The following PREX1 variants were observed in gnomAD, a reference collection of about 807,000 sequenced individuals.
PREX1 encodes the protein phosphatidylinositol-3,4,5-trisphosphate dependent Rac exchange factor 1.
In PREX1, 41 loss-of-function variants were observed where a neutral mutation model predicts 198.3. The observed-to-expected ratio is 0.21, with a 90% CI of 0.16 to 0.27. The LOEUF (loss-of-function observed/expected upper bound fraction) is 0.27. Ranked by LOEUF, PREX1 falls within the 10% of genes least tolerant of loss-of-function variation. The probability of loss-of-function intolerance (pLI) is 1.00; values close to 1 mark genes in which losing one functional copy is unlikely to be tolerated. For synonymous variants in PREX1, 843 were observed against 887.2 expected (o/e 0.95, Z 0.89); for missense variants, 1,620 against 2,200.7 (o/e 0.74, Z 5.28).
chr20:48,851,586 C>A, the PREX1 span, among the ~76,000 whole-genome samples: 3 of 152,138 alleles, frequency 2.0e-5, no homozygotes, highest in Admixed American at 6.6e-5. Flanking sequence ...TCTTTCTCAG[C>A]CTTACCTCCT....
chr20:48,758,370 G>A (rs556444638), intron 1 of PREX1, among the ~76,000 whole-genome samples: 8 of 152,214 alleles, frequency 5.3e-5, no homozygotes, highest in Non-Finnish European at 1.0e-4. Context: ...GCAGAGGAGC[G>A]CAGGTGCTGG....
intron 1 of PREX1, among the ~76,000 whole-genome samples, chr20:48,782,482 G>A (rs916283342): frequency 4.6e-5 from 7 of 151,856 alleles, no homozygotes; most frequent in Admixed American, 2.6e-4. Flanking sequence ...ACCCAGTCTC[G>A]AGTATGTCTT....
intron 1 of PREX1, among the ~76,000 whole-genome samples, chr20:48,790,611 T>C (rs1221436038): frequency 2.0e-5 from 3 of 152,200 alleles, no homozygotes; most frequent in East Asian, 3.9e-4. Context: ...TGAGGAGTTT[T>C]TGCCTAAATT....
chr20:48,690,615 A>G (rs2089813754), intron 9 of PREX1, among the ~76,000 whole-genome samples: 1 of 152,104 alleles, frequency 6.6e-6, no homozygotes, highest in Non-Finnish European at 1.5e-5. Context: ...CCAGAATTAG[A>G]TTCAGTGAAT....
At position 48,691,425 on chromosome 20, in the gene PREX1, G is replaced by C. The variant is rs115541708; in HGVS notation, c.1037-329C>G. On this transcript the variant is annotated intron_variant, in intron 8 of 39. Transcript: ENST00000371941. This position sits in a 1 kb window ranked among gnomAD's most constrained non-coding sequence, Gnocchi z 5.0. ...TTCCTGGGCTCCTCCCATCTCACTCGGGCACTGGAGTTACTTAAAACCTTA... is the reference window on the plus strand; with the variant it reads ...TTCCTGGGCTCCTCCCATCTCACTCCGGCACTGGAGTTACTTAAAACCTTA... Among the ~76,000 whole-genome samples the C allele has an allele frequency of 6.6e-5, 10 of 152,056 alleles. 1 individual carries two copies. The South Asian group carries it at 2.1e-3, about 31-fold the overall frequency.
chr20:48,865,587 C>CTGGG, the PREX1 span, among the ~76,000 whole-genome samples: 2 of 152,190 alleles, frequency 1.3e-5, no homozygotes, highest in African/African-American at 4.8e-5. Flanking sequence ...AGGTGTTGAA[C>CTGGG]TGGGAGTTCC....
At chr20:48,693,227 A>ATCC (rs2089828845) in intron 7 of PREX1, among the ~76,000 whole-genome samples, 1 of 130,428 alleles carries the variant, frequency 7.7e-6, no homozygotes, top group Non-Finnish European at 1.6e-5. Context: ...TCCATCCATC[A>ATCC]TCCACCTTCC....
chr20:48,653,291 G>A, intron 20 of PREX1, 70 bp downstream of exon 20: 2 of 1,574,068 alleles, frequency 1.3e-6, no homozygotes, highest in Non-Finnish European at 1.7e-6. Flanking sequence ...TCTAAAGAGA[G>A]GACAGCCCTC....
At chr20:48,765,739 G>A (rs780273174) in intron 1 of PREX1, among the ~76,000 whole-genome samples, 1 of 152,194 alleles carries the variant, frequency 6.6e-6, no homozygotes, top group African/African-American at 2.4e-5. Flanking sequence ...TTTAATTAGG[G>A]GAAGGAGAAT....
chr20:48,841,171 C>T, the PREX1 span, among the ~76,000 whole-genome samples: 1 of 152,210 alleles, frequency 6.6e-6, no homozygotes, highest in Non-Finnish European at 1.5e-5. Flanking sequence ...TCCTCCACGC[C>T]TCAGCCTCCC....
the PREX1 span, among the ~76,000 whole-genome samples, chr20:48,838,818 G>A: frequency 6.6e-6 from 1 of 151,674 alleles, no homozygotes; most frequent in Non-Finnish European, 1.5e-5. Flanking sequence ...ACTTGAAGTC[G>A]AGTTTGAAAC....
intron 5 of PREX1, among the ~76,000 whole-genome samples, chr20:48,711,744 A>G (rs904468404): frequency 9.2e-5 from 14 of 152,212 alleles, no homozygotes; most frequent in Admixed American, 9.2e-4. Flanking sequence ...CCCTTTGTTA[A>G]AAGCAACAGA....
At chr20:48,810,697 G>A (rs2090430168) in intron 1 of PREX1, among the ~76,000 whole-genome samples, 2 of 151,624 alleles carry the variant, frequency 1.3e-5, no homozygotes, top group African/African-American at 4.8e-5. Flanking sequence ...GACCAGCCTG[G>A]CCAACATAGC....
chr20:48,631,401 C>T (rs1352881949), intron 35 of PREX1, among the ~76,000 whole-genome samples: 5 of 152,236 alleles, frequency 3.3e-5, no homozygotes, highest in Non-Finnish European at 5.9e-5. Flanking sequence ...AAGAACAGGA[C>T]TTTGTTTTGC....
In PREX1 at chr20:48,726,361, T is replaced by C; in HGVS notation, c.550A>G (p.Thr184Ala). 1 of 1,613,744 alleles carries C rather than the reference T, an allele frequency of 6.2e-7. No individual in the cohort carries two copies. Among genetic ancestry groups the C allele is most frequent in the Middle Eastern group, 1.6e-4 (1 of 6,062 alleles). The stretch of plus-strand genomic sequence containing the variant: ...AGGTAGCCTTCCAAAGGGATGTCCG[T>C]GGTCTTCCGGCCTCCCAGAAGCATG... ...SCMLLGGRKT[T>A]DIPLEGYLLS... The change falls in exon 5 of 40, where the codon ACG becomes GCG. Residue 184 changes from threonine to alanine, a missense_variant. Transcript: ENST00000371941.
At chr20:48,743,523 G>A (rs982036413) in intron 3 of PREX1, among the ~76,000 whole-genome samples, 18 of 152,226 alleles carry the variant, frequency 1.2e-4, no homozygotes, top group African/African-American at 4.3e-4. Context: ...AATGCCCTCC[G>A]CTAGCACCCA....
chr20:48,685,706 T>G (rs1006542238), intron 10 of PREX1, among the ~76,000 whole-genome samples: 8 of 152,124 alleles, frequency 5.3e-5, no homozygotes, highest in African/African-American at 1.9e-4. Context: ...GCGAGAGCAT[T>G]TGCAAGACCC....
At chr20:48,814,780 G>C (rs1168712120) in intron 1 of PREX1, among the ~76,000 whole-genome samples, 1 of 152,140 alleles carries the variant, frequency 6.6e-6, no homozygotes, top group East Asian at 1.9e-4. Flanking sequence ...AAATGGCAGG[G>C]TGTTGGAGCT....
chr20:48,869,292 GT>G, the PREX1 span, among the ~76,000 whole-genome samples: 3 of 112,980 alleles, frequency 2.7e-5, no homozygotes, highest in South Asian at 2.9e-4. Flanking sequence ...GTTTTGTTTT[GT>G]TTTTGTTGTT....
Sources: gnomAD v4.1 joint callset for allele counts (sites outside exome capture counted in the v4.1 genomes callset) on GRCh38, gnomAD v4.1.1 for gene constraint, Gnocchi (gnomAD v3.1) non-coding constraint, MANE v1.5 for transcripts, NCBI Gene and HGNC (gene_info 2026-07-23, HGNC 2026-07-21) for gene names.